The following MYO10 variants were observed in gnomAD, a reference collection of about 807,000 sequenced individuals.
The protein encoded by MYO10 is myosin X, also known as unconventional myosin-X.
A neutral mutation model predicts 257.3 loss-of-function variants in MYO10; 133 were observed. The ratio of observed to expected loss-of-function variants is 0.52; its 90% CI spans 0.45 to 0.60. The LOEUF is 0.60. MYO10 is among the 20% of genes least tolerant of loss of function. The pLI, the probability that MYO10 is intolerant of heterozygous loss-of-function variation, is 0.00. For synonymous variants in MYO10, 1,104 were observed against 1,028.6 expected (o/e 1.07, Z -1.40); for missense variants, 2,399 against 2,635.7 (o/e 0.91, Z 1.97).
intron 19 of MYO10, among the ~76,000 whole-genome samples, chr5:16,711,520 G>T (rs1264270915): frequency 6.6e-6 from 1 of 152,210 alleles, no homozygotes; most frequent in East Asian, 1.9e-4. Context: ...ACGGTGGCTC[G>T]CGCCTGTAAT....
chr5:16,791,567 C>CACACACACACAT (rs1553996604), intron 4 of MYO10, among the ~76,000 whole-genome samples: 1,742 of 150,722 alleles, frequency 0.012, 33 homozygotes, highest in African/African-American at 0.041. Context: ...CACACATACA[C>CACACACACACAT]ATATGCACAA....
At chr5:16,907,409 A>G (rs2126789395) in intron 1 of MYO10, among the ~76,000 whole-genome samples, 1 of 152,256 alleles carries the variant, frequency 6.6e-6, no homozygotes. Flanking sequence ...AGGAGAAGGC[A>G]TCCAACACTA....
intron 9 of MYO10, among the ~76,000 whole-genome samples, chr5:16,776,161 T>C (rs1741205644): frequency 6.6e-6 from 1 of 152,176 alleles, no homozygotes; most frequent in Non-Finnish European, 1.5e-5. Context: ...CCTCCCAAAG[T>C]GCTGACATTA....
rs755732485 is a variant in MYO10, at chr5:16,668,431, C to G, written c.5921G>C (p.Gly1974Ala). The G allele has an allele frequency of 6.2e-7, 1 of 1,612,178 alleles. No homozygotes were observed. The highest frequency in any genetic ancestry group is 1.7e-5 in the Admixed American group (1 of 59,596). Reference protein sequence around the residue: ...EGGFPQELWLGVSADAVSVYK... With the variant: ...EGGFPQELWLAVSADAVSVYK... Reference sequence around the variant, plus strand: ...GACGGAGACGGCGTCCGCGCTGACACCCAACCAGAGTTCCTGAGGGAAGCC... The same window carrying G: ...GACGGAGACGGCGTCCGCGCTGACAGCCAACCAGAGTTCCTGAGGGAAGCC... Residue 1974 changes from glycine (G) to alanine (A), a missense_variant, in exon 40 of 41, where the codon GGT becomes GCT. Gly to Ala is a moderately conservative substitution (Grantham distance 60, BLOSUM62 0). Around this residue, in one of 3 missense-constraint regions of MYO10, gnomAD observed 1,820 missense variants for 1,939.4 expected, o/e 0.94. Coordinates refer to ENST00000513610, the MANE Select transcript of MYO10 (RefSeq NM_012334.3).
chr5:16,680,930 C>T (rs572749184), intron 32 of MYO10, among the ~76,000 whole-genome samples: 2 of 152,256 alleles, frequency 1.3e-5, no homozygotes, highest in South Asian at 4.1e-4. Context: ...CCCTGGAAGG[C>T]TGTAGTGAAC....
Position 16,761,467 on chromosome 5 carries a change from C to A in MYO10, c.1736G>T (p.Ser579Ile). ...CTCGGTGAGAAGACTGACATACCGG[C>A]TTTCTCTTAGCAAATTGAGAAGGTC... ...RDDLLNLLRESRFDFIYDLFE... is the reference protein window; with the variant it reads ...RDDLLNLLREIRFDFIYDLFE... The change falls in exon 17 of 41, where the codon AGC becomes ATC. Residue 579 changes from serine (S) to isoleucine (I), a missense_variant. Physicochemically the swap from Ser to Ile is moderately radical, Grantham distance 142. Coordinates refer to ENST00000513610, the MANE Select transcript of MYO10 (RefSeq NM_012334.3). The A allele has an allele frequency of 6.2e-7, 1 of 1,611,252 alleles. No individual in the cohort carries two copies. The highest frequency in any genetic ancestry group is 8.5e-7 in the Non-Finnish European group (1 of 1,177,844).
chr5:16,914,210 T>C (rs549822300), intron 1 of MYO10, among the ~76,000 whole-genome samples: 6 of 152,302 alleles, frequency 3.9e-5, no homozygotes, highest in Admixed American at 6.5e-5. Flanking sequence ...GGGTGTTTTA[T>C]AGGAAGTGCG....
intron 1 of MYO10, among the ~76,000 whole-genome samples, chr5:16,891,150 G>C (rs984484604): frequency 6.6e-6 from 1 of 151,590 alleles, no homozygotes; most frequent in Non-Finnish European, 1.5e-5. Flanking sequence ...TTAGCCAGGC[G>C]CGGTAGCAGG....
At chr5:16,865,810 C>CGAT (rs1203274220) in intron 2 of MYO10, among the ~76,000 whole-genome samples, 1 of 86,260 alleles carries the variant, frequency 1.2e-5, no homozygotes, top group African/African-American at 5.5e-5. Context: ...GACTCCGTCT[C>CGAT]GATAATAATA....
intron 1 of MYO10, among the ~76,000 whole-genome samples, chr5:16,893,134 T>C (rs1045055114): frequency 1.4e-5 from 2 of 140,324 alleles, no homozygotes; most frequent in African/African-American, 5.3e-5. Flanking sequence ...GAGGCGGAGT[T>C]TGCAGTGAGC....
chr5:16,883,352 A>C (rs1474103533), intron 1 of MYO10, among the ~76,000 whole-genome samples: 2 of 152,200 alleles, frequency 1.3e-5, no homozygotes, highest in African/African-American at 4.8e-5. Context: ...TATCAAAACC[A>C]CCACAACCCC....
chr5:16,783,595 A>G, intron 4 of MYO10, 126 bp from the exon 5 acceptor site: 1 of 1,074,904 alleles, frequency 9.3e-7, no homozygotes, highest in Non-Finnish European at 1.3e-6. Context: ...GGAGATCAAA[A>G]TGCCTGTTTC....
chr5:16,711,299 T>A (rs903239606), intron 19 of MYO10, 54 bp from the exon 20 acceptor site: 2 of 1,554,096 alleles, frequency 1.3e-6, no homozygotes, highest in African/African-American at 2.7e-5. Flanking sequence ...TGGAATTCGA[T>A]AAGGGAGGCT....
rs2126431035 is a variant in MYO10 at position 16,662,273 on chromosome 5, A to T, written c.*4419T>A. On this transcript the variant is annotated 3_prime_UTR_variant, in exon 41 of 41. Coordinates refer to ENST00000513610, the MANE Select transcript of MYO10 (RefSeq NM_012334.3). ...CAATTTAGTGTGCTATCTGAATAAA[A>T]GGCTTAGTAACTAAAAAAAGTGCTG... The T allele has an allele frequency of 6.6e-6, 1 of 150,588 alleles. No homozygotes were observed. Among genetic ancestry groups the T allele is most frequent in the South Asian group, 2.1e-4 (1 of 4,768 alleles). The allele number at this position is 150,588 out of a possible 1,614,324, so 9.3% of individuals were successfully genotyped here.
chr5:16,848,151 A>ATTTCTTTTTTTTTTTTT (rs1561016498), intron 2 of MYO10, among the ~76,000 whole-genome samples: 72 of 91,652 alleles, frequency 7.9e-4, no homozygotes, highest in African/African-American at 4.1e-3. Context: ...AGAACTACAC[A>ATTTCTTTTTTTTTTTTT]TTTCTTTTTT....
At chr5:16,683,364 A>T (rs1737096347) in intron 30 of MYO10, among the ~76,000 whole-genome samples, 1 of 152,206 alleles carries the variant, frequency 6.6e-6, no homozygotes, top group African/African-American at 2.4e-5. Context: ...GACGCGTAAG[A>T]TCATCTCCAA....
At chr5:16,832,221 G>A (rs916359042) in intron 2 of MYO10, among the ~76,000 whole-genome samples, 2 of 152,162 alleles carry the variant, frequency 1.3e-5, no homozygotes, top group Admixed American at 1.3e-4. Flanking sequence ...GATTACAGGT[G>A]TTCCCCACTG....
At chr5:16,873,775 G>T (rs1744512515) in intron 2 of MYO10, among the ~76,000 whole-genome samples, 1 of 152,186 alleles carries the variant, frequency 6.6e-6, no homozygotes, top group Admixed American at 6.5e-5. Context: ...AGCCTGAGCT[G>T]TACATTGGCC....
intron 19 of MYO10, chr5:16,741,812 T>A (rs1740027696): frequency 1.0e-5 from 10 of 985,302 alleles, no homozygotes; most frequent in Non-Finnish European, 1.2e-5. Context: ...ACCTTGGGTT[T>A]TCTTTCACCC....
Sources: allele counts gnomAD v4.1 joint callset (sites outside exome capture counted in the v4.1 genomes callset), GRCh38; gene constraint gnomAD v4.1.1; regional missense constraint gnomAD v4.1.1; transcripts MANE v1.5; gene names NCBI Gene and HGNC (gene_info 2026-07-23, HGNC 2026-07-21).